Variants in INPP5B observed in about 807,000 individuals in gnomAD.
INPP5B encodes the protein inositol polyphosphate-5-phosphatase B, also known as type II inositol 1,4,5-trisphosphate 5-phosphatase.
Under a neutral mutation model 118.5 loss-of-function variants are expected in INPP5B, and 90 were observed. The observed-to-expected ratio is 0.76, with a 90% CI of 0.64 to 0.90. The LOEUF is 0.90. Ranked by LOEUF, INPP5B falls within the 40% of genes least tolerant of loss-of-function variation. The pLI, the probability that INPP5B is intolerant of heterozygous loss-of-function variation, is 0.00. For missense variants in INPP5B, 984 were observed against 1,125.6 expected (o/e 0.87, Z 1.80); for synonymous variants, 385 against 418.9 (o/e 0.92, Z 0.99).
At position 37,868,536 on chromosome 1, in the gene INPP5B, T is replaced by C; in HGVS notation, c.2266A>G (p.Met756Val). Residue 756 changes from methionine (M) to valine (V), a missense_variant, in exon 20 of 24, where the codon ATG becomes GTG. Physicochemically the swap from Met to Val is conservative, Grantham distance 21 (BLOSUM62 1). This residue lies in a region of INPP5B where 634 missense variants were observed against 791.0 expected (regional missense o/e 0.80). Coordinates refer to ENST00000373024, the MANE Select transcript of INPP5B (RefSeq NM_005540.3). Reference protein sequence around the residue: ...PMEIPKELWMMVDYLYRNAVQ... With the variant: ...PMEIPKELWMVVDYLYRNAVQ... ...GCATTTCGGTACAGGTAATCAACCA[T>C]CATCCAGAGCTCTTTGGGGATTTCC... 6.2e-7 allele frequency: 1 copy of C among 1,613,910 alleles called. No individual in the cohort carries two copies. Among genetic ancestry groups the C allele is most frequent in the South Asian group, 1.1e-5 (1 of 91,076 alleles).
intron 7 of INPP5B, among the ~76,000 whole-genome samples, chr1:37,920,430 C>A (rs1347185321): frequency 6.6e-6 from 1 of 152,018 alleles, no homozygotes; most frequent in Non-Finnish European, 1.5e-5. Flanking sequence ...TTTGGGAGGC[C>A]AAGGCAGGCA....
chr1:37,884,512 G>A (rs984404518), intron 13 of INPP5B, among the ~76,000 whole-genome samples: 41 of 151,832 alleles, frequency 2.7e-4, no homozygotes, highest in African/African-American at 9.9e-4. Flanking sequence ...TGAACTCCCG[G>A]GCTCAATCGA....
intron 19 of INPP5B, among the ~76,000 whole-genome samples, chr1:37,868,977 ATTTTC>A (rs879670487): frequency 7.2e-5 from 11 of 152,002 alleles, no homozygotes; most frequent in South Asian, 2.1e-4. Flanking sequence ...CACTGTTTTG[ATTTTC>A]TTTTATTTTT....
chr1:37,913,213 C>T (rs549334037), intron 7 of INPP5B, among the ~76,000 whole-genome samples: 147 of 152,216 alleles, frequency 9.7e-4, no homozygotes, highest in African/African-American at 3.1e-3. Flanking sequence ...GCCGAGATCA[C>T]GCCACTGCAC....
chr1:37,902,785 C>T (rs930322421), intron 7 of INPP5B, among the ~76,000 whole-genome samples: 2 of 151,854 alleles, frequency 1.3e-5, no homozygotes, highest in East Asian at 1.9e-4. Flanking sequence ...CTCAAACTCC[C>T]GACCTCAGGC....
At position 37,907,696 on chromosome 1, in the gene INPP5B, A is replaced by G. The variant is rs1011708478; in HGVS notation, c.533-16242T>C. On this transcript the variant is annotated intron_variant, in intron 7 of 23. Transcript: ENST00000373024. The surrounding 1 kb of genome is among the most constrained non-coding windows in gnomAD (Gnocchi z 4.3). The stretch of plus-strand genomic sequence containing the variant: ...CACCCACCAAACCAAGATGGCCATG[A>G]GAGTGACCCACCTCGTCCTCATTGC... Among the ~76,000 whole-genome samples, 2 of 152,200 alleles carry G rather than the reference A, an allele frequency of 1.3e-5. No individual in the cohort carries two copies. The highest frequency in any genetic ancestry group is 2.9e-5 in the Non-Finnish European group (2 of 68,030).
At chr1:37,919,775 C>G (rs1321722723) in intron 7 of INPP5B, among the ~76,000 whole-genome samples, 1 of 151,984 alleles carries the variant, frequency 6.6e-6, no homozygotes, top group Non-Finnish European at 1.5e-5. Context: ...CCCATCTCTA[C>G]TAAAAATACA....
intron 19 of INPP5B, among the ~76,000 whole-genome samples, chr1:37,869,480 T>C (rs28593140): frequency 0.21 from 31,283 of 149,578 alleles, 4,098 homozygotes; most frequent in Non-Finnish European, 0.28. Flanking sequence ...TATTTATTTA[T>C]TTACTTATTT....
intron 7 of INPP5B, among the ~76,000 whole-genome samples, chr1:37,901,560 C>T (rs187718976): frequency 1.3e-5 from 2 of 152,232 alleles, no homozygotes; most frequent in Admixed American, 1.3e-4. Context: ...CAGTTCACGG[C>T]CAGGGGTACA....
intron 7 of INPP5B, among the ~76,000 whole-genome samples, chr1:37,909,126 G>A (rs1644599055): frequency 6.6e-6 from 1 of 152,100 alleles, no homozygotes; most frequent in Admixed American, 6.6e-5. Flanking sequence ...CATAAAATGG[G>A]CAAATGGTCT....
chr1:37,925,940 C>T (rs1645211332), intron 7 of INPP5B, among the ~76,000 whole-genome samples: 1 of 152,180 alleles, frequency 6.6e-6, no homozygotes, highest in African/African-American at 2.4e-5. Flanking sequence ...GCCTGCAGAG[C>T]TTCCCACAAC....
At chr1:37,898,432 A>C (rs1644203722) in intron 7 of INPP5B, among the ~76,000 whole-genome samples, 1 of 152,212 alleles carries the variant, frequency 6.6e-6, no homozygotes, top group Non-Finnish European at 1.5e-5. Context: ...ACGGTGGCGC[A>C]CGCCTGTAAT....
intron 19 of INPP5B, among the ~76,000 whole-genome samples, chr1:37,869,647 T>C (rs920517086): frequency 2.0e-5 from 3 of 151,336 alleles, no homozygotes; most frequent in Non-Finnish European, 2.9e-5. Flanking sequence ...ACCCAGCTAA[T>C]TTTTTTATTT....
At position 37,930,505 on chromosome 1, in the gene INPP5B, T is replaced by A. The variant is rs577372932; in HGVS notation, c.532+1408A>T. 4 of 152,458 alleles carry A rather than the reference T, an allele frequency of 2.6e-5. No individual in the cohort carries two copies. In the East Asian group the frequency reaches 7.7e-4, roughly 29 times the overall value. The allele number at this position is 152,458 out of a possible 1,614,324, so 9.4% of individuals were successfully genotyped here. A position where few individuals can be genotyped will look rare whatever the true frequency, so the allele number is the denominator to read the frequency against. ...TGTCCTCCGCCAATTGTCTGGATTC[T>A]GGCAGTCTCTTGTGAAGGGGCAAGG... On this transcript the variant is annotated intron_variant, in intron 7 of 23. Coordinates refer to ENST00000373024, the MANE Select transcript of INPP5B (RefSeq NM_005540.3).
intron 19 of INPP5B, chr1:37,869,900 A>T (rs1256036439): frequency 6.6e-6 from 1 of 152,142 alleles, no homozygotes; most frequent in East Asian, 1.9e-4. Context: ...TTAAAAATGC[A>T]CTGGAAAAAA....
chr1:37,932,007 C>T lies in INPP5B; in HGVS notation c.438G>A (p.Arg146=). Residue 146 remains arginine (R), a synonymous_variant, in exon 7 of 24, where the codon CGG becomes CGA. Coordinates refer to ENST00000373024, the MANE Select transcript of INPP5B (RefSeq NM_005540.3). ...CCAGCTCCAGCTCTGCGCACCTATA[C>T]CGAGACAGCCACAGGAATTCAGGAT... The part of the protein sequence containing the change: ...TRDPEFLWLS[R]YRCAELELEM... 1.2e-6 allele frequency: 2 copies of T among 1,609,118 alleles called. No homozygotes were observed. The highest frequency in any genetic ancestry group is 1.7e-6 in the Non-Finnish European group (2 of 1,176,986).
intron 7 of INPP5B, chr1:37,929,599 T>C (rs1226722700): frequency 6.6e-6 from 1 of 152,120 alleles, no homozygotes; most frequent in Non-Finnish European, 1.5e-5. Context: ...GTAACTCTCC[T>C]CTGAGGCCAT....
chr1:37,891,162 G>C (rs1454933177), intron 8 of INPP5B, among the ~76,000 whole-genome samples, 196 bp downstream of exon 8: 5 of 151,706 alleles, frequency 3.3e-5, no homozygotes, highest in African/African-American at 1.2e-4. Flanking sequence ...AGGAGGTGGA[G>C]GTTGCGGTGA....
chr1:37,893,753 G>A (rs1643916723), intron 7 of INPP5B, among the ~76,000 whole-genome samples: 1 of 152,134 alleles, frequency 6.6e-6, no homozygotes, highest in South Asian at 2.1e-4. Context: ...TTCCCAGTCT[G>A]GATCCTACCC....
Sources: allele counts gnomAD v4.1 joint callset (sites outside exome capture counted in the v4.1 genomes callset), GRCh38; gene constraint gnomAD v4.1.1; regional missense constraint gnomAD v4.1.1; non-coding constraint Gnocchi (gnomAD v3.1); transcripts MANE v1.5; gene names NCBI Gene and HGNC (gene_info 2026-07-23, HGNC 2026-07-21).